The following TEX15 variants were observed in gnomAD, a reference collection of about 807,000 sequenced individuals.
The protein encoded by TEX15 is testis-expressed protein 15.
In TEX15, 171 loss-of-function variants were observed where a neutral mutation model predicts 237.3. The observed-to-expected ratio is 0.72, with a 90% CI of 0.64 to 0.82. The LOEUF is 0.82. Among genes scored for constraint, TEX15 ranks in the 40% least tolerant of loss-of-function variants. The pLI, the probability that TEX15 is intolerant of heterozygous loss-of-function variation, is 0.00. For missense variants in TEX15, 3,750 were observed against 3,646.5 expected (o/e 1.03, Z -0.73); for synonymous variants, 1,338 against 1,269.8 (o/e 1.05, Z -1.14).
At chr8:30,851,953 A>C (rs1034238902) in intron 7 of TEX15, among the ~76,000 whole-genome samples, 5 of 152,084 alleles carry the variant, frequency 3.3e-5, no homozygotes, top group African/African-American at 1.2e-4. Flanking sequence ...AAGCAAAAAA[A>C]CCCTAACTGC....
chr8:30,867,519 A>T lies in TEX15; in HGVS notation c.303-17T>A. ...ATCTCTGACCTAAAGTAAAACAAAC[A>T]ATGTATACAGTTAAAGATAAATATC... On this transcript the variant is annotated splice_polypyrimidine_tract_variant and intron_variant, in intron 4 of 10. Transcript: ENST00000643185. The T allele has an allele frequency of 7.0e-7, 1 of 1,420,442 alleles. No individual in the cohort carries two copies. The highest frequency in any genetic ancestry group is 9.6e-7 in the Non-Finnish European group (1 of 1,042,934). 88.0% of individuals were successfully genotyped at this position (1,420,442 alleles called of 1,614,324 possible).
At chr8:30,866,377 GAAGGGGAAGGGGAAGGGA>G (rs1235167753) in intron 5 of TEX15, among the ~76,000 whole-genome samples, 11 of 151,054 alleles carry the variant, frequency 7.3e-5, no homozygotes, top group Non-Finnish European at 1.5e-4. Flanking sequence ...AGAGGAAGGG[GAAGGGGAAGGGGAAGGGA>G]AGGAAAGGAA....
At chr8:30,893,562 A>T (rs747574159) in intron 2 of TEX15, among the ~76,000 whole-genome samples, 7 of 152,144 alleles carry the variant, frequency 4.6e-5, no homozygotes, top group Non-Finnish European at 1.0e-4. Context: ...AATGTTTTAA[A>T]TTTTTTACAA....
chr8:30,889,954 C>CGTATATATATATATATACGTATATAT (rs767323464), intron 2 of TEX15, among the ~76,000 whole-genome samples: 1 of 110,086 alleles, frequency 9.1e-6, no homozygotes, highest in African/African-American at 4.5e-5. Context: ...TATATATATA[C>CGTATATATATATATATACGTATATAT]ATATATATAT....
intron 3 of TEX15, among the ~76,000 whole-genome samples, chr8:30,878,168 CT>C (rs902157691): frequency 8.7e-6 from 1 of 114,568 alleles, no homozygotes; most frequent in Admixed American, 1.1e-4. Context: ...TAGATTGTTT[CT>C]TTTTATTGCT....
intron 1 of TEX15, among the ~76,000 whole-genome samples, chr8:30,899,239 C>T (rs1283329631): frequency 6.6e-6 from 1 of 152,118 alleles, no homozygotes; most frequent in African/African-American, 2.4e-5. Context: ...ATGATACATG[C>T]TACACACAGT....
chr8:30,863,734 A>G (rs903041780), intron 5 of TEX15, among the ~76,000 whole-genome samples: 24 of 152,206 alleles, frequency 1.6e-4, no homozygotes, highest in African/African-American at 5.3e-4. Context: ...ATCAGCACAC[A>G]GAGGGAAAAG....
chr8:30,882,348 G>A (rs111792832), intron 3 of TEX15, among the ~76,000 whole-genome samples: 5,415 of 152,268 alleles, frequency 0.036, 281 homozygotes, highest in African/African-American at 0.12. Context: ...GTGTAGTGGC[G>A]CAATCTCAGC....
chr8:30,874,166 A>G (rs1401412294), intron 4 of TEX15, among the ~76,000 whole-genome samples: 2 of 152,164 alleles, frequency 1.3e-5, no homozygotes, highest in African/African-American at 4.8e-5. Flanking sequence ...ATCTCCAGAC[A>G]CCAAGTGTGG....
intron 3 of TEX15, among the ~76,000 whole-genome samples, chr8:30,884,691 C>G (rs1342120846): frequency 6.6e-6 from 1 of 152,058 alleles, no homozygotes; most frequent in African/African-American, 2.4e-5. Context: ...CTCTTGATTT[C>G]TGATATCAGT....
At chr8:30,872,917 T>C (rs927196672) in intron 4 of TEX15, among the ~76,000 whole-genome samples, 3 of 152,176 alleles carry the variant, frequency 2.0e-5, no homozygotes, top group Non-Finnish European at 4.4e-5. Flanking sequence ...AGGTTTATTA[T>C]TGAGAAAATT....
At chr8:30,833,390 G>A in intron 10 of TEX15, 67 bp from the exon 11 acceptor site, 1 of 1,216,810 alleles carries the variant, frequency 8.2e-7, no homozygotes, top group Non-Finnish European at 1.2e-6. Flanking sequence ...ATACTATAGT[G>A]GAAAGAACCT....
At chr8:30,872,333 T>G (rs1454029854) in intron 4 of TEX15, among the ~76,000 whole-genome samples, 2 of 152,146 alleles carry the variant, frequency 1.3e-5, no homozygotes, top group African/African-American at 4.8e-5. Flanking sequence ...GGTCTCACAG[T>G]GTCATAGCAT....
rs190731726 is a variant in TEX15, at chr8:30,833,386, T to C, written c.9482-63A>G. ...TTTAGACTAATGGTACATGATACTA[T>C]AGTGGAAAGAACCTGAGTTTAAATT... On this transcript the variant is annotated intron_variant, in intron 10 of 10. Coordinates refer to ENST00000643185, the MANE Select transcript of TEX15 (RefSeq NM_001350162.2). The C allele has an allele frequency of 1.2e-4, 156 of 1,265,476 alleles. 1 individual carries two copies. The Middle Eastern group carries it at 2.3e-3, about 19-fold the overall frequency. 78.4% of individuals were successfully genotyped at this position (1,265,476 alleles called of 1,614,324 possible). A position where few individuals can be genotyped will look rare whatever the true frequency, so the allele number is the denominator to read the frequency against.
Sources: allele counts gnomAD v4.1 joint callset (sites outside exome capture counted in the v4.1 genomes callset), GRCh38; gene constraint gnomAD v4.1.1; transcripts MANE v1.5; gene names NCBI Gene and HGNC (gene_info 2026-07-23, HGNC 2026-07-21).